Variants in CCNY observed in about 807,000 individuals in gnomAD.
CCNY encodes the protein cyclin-Y.
CCNY carries 19 observed loss-of-function variants against 42.8 expected under a neutral mutation model. The ratio of observed to expected loss-of-function variants is 0.44; its 90% CI spans 0.31 to 0.65. CCNY has a LOEUF of 0.65. Among genes scored for constraint, CCNY ranks in the 30% least tolerant of loss-of-function variants. The probability of loss-of-function intolerance (pLI) is 0.07; values close to 1 mark genes in which losing one functional copy is unlikely to be tolerated. For missense variants in CCNY, 370 were observed against 437.3 expected, an observed-to-expected ratio of 0.85 and a Z score of 1.37; for synonymous variants, 165 against 162.7, an observed-to-expected ratio of 1.01 and a Z score of -0.11.
intron 2 of CCNY, among the ~76,000 whole-genome samples, chr10:35,499,840 G>A (rs1052249062): frequency 5.3e-5 from 8 of 152,182 alleles, no homozygotes; most frequent in African/African-American, 1.9e-4. Flanking sequence ...CAGTCAGTGG[G>A]AAATCACCAT....
intron 1 of CCNY, among the ~76,000 whole-genome samples, chr10:35,424,256 C>G (rs981088063): frequency 2.6e-5 from 4 of 152,142 alleles, no homozygotes; most frequent in African/African-American, 9.7e-5. Context: ...GACGGAGTTT[C>G]ACTCTTGTTG....
At chr10:35,527,293 T>C (rs1187165839) in intron 5 of CCNY, among the ~76,000 whole-genome samples, 1 of 152,244 alleles carries the variant, frequency 6.6e-6, no homozygotes, top group Non-Finnish European at 1.5e-5. Context: ...CCTTTTAAAC[T>C]TGTAAGGCTT....
chr10:35,250,368 A>G (rs1348485145), intron 2 of CCNY, among the ~76,000 whole-genome samples: 1 of 152,134 alleles, frequency 6.6e-6, no homozygotes, highest in Non-Finnish European at 1.5e-5. Flanking sequence ...CCGTCTCAAT[A>G]AATAAATAAA....
chr10:35,441,191 G>A (rs1838659866), intron 1 of CCNY, among the ~76,000 whole-genome samples: 1 of 152,216 alleles, frequency 6.6e-6, no homozygotes, highest in Non-Finnish European at 1.5e-5. Flanking sequence ...ATACCGCCTT[G>A]TTTTACCATG....
At chr10:35,387,909 C>T (rs1837332002) in intron 1 of CCNY, among the ~76,000 whole-genome samples, 1 of 152,092 alleles carries the variant, frequency 6.6e-6, no homozygotes, top group South Asian at 2.1e-4. Context: ...TAGGTATGGC[C>T]CTTCCCCTCT....
intron 1 of CCNY, among the ~76,000 whole-genome samples, chr10:35,403,701 A>G (rs1837694999): frequency 6.6e-6 from 1 of 152,244 alleles, no homozygotes; most frequent in Admixed American, 6.5e-5. Context: ...TGGAGTCAAT[A>G]TAAATATTGA....
chr10:35,496,496 G>T (rs2135384934), intron 2 of CCNY, among the ~76,000 whole-genome samples: 1 of 152,284 alleles, frequency 6.6e-6, no homozygotes, highest in East Asian at 1.9e-4. Flanking sequence ...TGGCTTGGTG[G>T]TGGCTAACAC....
chr10:35,375,969 G>A (rs1440375423), intron 1 of CCNY, among the ~76,000 whole-genome samples: 1 of 152,164 alleles, frequency 6.6e-6, no homozygotes, highest in Non-Finnish European at 1.5e-5. Flanking sequence ...ACCGAAAGGA[G>A]GACTGCTCAT....
intron 1 of CCNY, among the ~76,000 whole-genome samples, chr10:35,337,884 T>A (rs1836085399): frequency 2.0e-5 from 3 of 152,288 alleles, no homozygotes; most frequent in African/African-American, 7.2e-5. Flanking sequence ...ATTTCTGATT[T>A]ATTCAGGTGA....
At chr10:35,342,552 G>A (rs1383462703) in intron 1 of CCNY, among the ~76,000 whole-genome samples, 1 of 152,030 alleles carries the variant, frequency 6.6e-6, no homozygotes, top group African/African-American at 2.4e-5. Context: ...GGAGTCGTTT[G>A]CTTCCACACA....
intron 1 of CCNY, among the ~76,000 whole-genome samples, chr10:35,380,156 T>C (rs1237299576): frequency 6.6e-6 from 1 of 152,224 alleles, no homozygotes; most frequent in Admixed American, 6.5e-5. Flanking sequence ...GGCTGCCAGG[T>C]ACCAGTCTTA....
intron 1 of CCNY, among the ~76,000 whole-genome samples, chr10:35,346,599 C>T (rs541664834): frequency 1.3e-5 from 2 of 152,236 alleles, no homozygotes; most frequent in African/African-American, 4.8e-5. Context: ...CTGTTTTTTT[C>T]ACCTTTGTCA....
intron 3 of CCNY, among the ~76,000 whole-genome samples, chr10:35,281,897 T>C (rs1044046803): frequency 6.6e-6 from 1 of 152,202 alleles, no homozygotes; most frequent in Non-Finnish European, 1.5e-5. Flanking sequence ...ATGTTTTATC[T>C]CTGTACAGCT....
chr10:35,463,453 G>A (rs1839196849), intron 1 of CCNY, among the ~76,000 whole-genome samples: 1 of 152,180 alleles, frequency 6.6e-6, no homozygotes, highest in African/African-American at 2.4e-5. Context: ...TACTGAATCT[G>A]ACAGAAGGAA....
At chr10:35,496,026 C>T (rs1006792318) in intron 2 of CCNY, among the ~76,000 whole-genome samples, 7 of 152,090 alleles carry the variant, frequency 4.6e-5, no homozygotes, top group African/African-American at 1.7e-4. Flanking sequence ...TCTGTGCTAC[C>T]CACAGGAAAA....
At chr10:35,290,108 C>A (rs972447970) in intron 3 of CCNY, among the ~76,000 whole-genome samples, 2 of 151,408 alleles carry the variant, frequency 1.3e-5, no homozygotes, top group Non-Finnish European at 2.9e-5. Flanking sequence ...CGTTTGTAAT[C>A]CCAGCTACTC....
intron 1 of CCNY, among the ~76,000 whole-genome samples, chr10:35,417,539 T>C (rs1448761966): frequency 1.3e-5 from 2 of 152,256 alleles, no homozygotes; most frequent in African/African-American, 4.8e-5. Flanking sequence ...CATGTTTTTC[T>C]TTGTTTTAAT....
chr10:35,355,904 C>T (rs1478475768), intron 1 of CCNY, among the ~76,000 whole-genome samples: 1 of 151,184 alleles, frequency 6.6e-6, no homozygotes, highest in Non-Finnish European at 1.5e-5. Flanking sequence ...GCTTTCCTAT[C>T]TTAGATTGTT....
intron 1 of CCNY, among the ~76,000 whole-genome samples, chr10:35,440,937 A>T (rs1462597126): frequency 6.6e-6 from 1 of 152,242 alleles, no homozygotes; most frequent in African/African-American, 2.4e-5. Context: ...TTGTTTTAAC[A>T]AGTGTACCTG....
Sources: allele counts gnomAD v4.1 joint callset (sites outside exome capture counted in the v4.1 genomes callset), GRCh38; gene constraint gnomAD v4.1.1; transcripts MANE v1.5; gene names NCBI Gene and HGNC (gene_info 2026-07-23, HGNC 2026-07-21).